EDA: variants seen among roughly 807,000 people sequenced by gnomAD.
EDA encodes ectodysplasin A, also known as ectodysplasin-A.
Under a neutral mutation model 23.6 loss-of-function variants are expected in EDA, and 2 were observed. The ratio of observed to expected loss-of-function variants is 0.08; its 90% CI spans 0.03 to 0.27. The LOEUF (loss-of-function observed/expected upper bound fraction) is 0.27, where lower values mean the gene tolerates loss of function less well. EDA is among the 10% of genes least tolerant of loss of function. The probability of loss-of-function intolerance (pLI) is 1.00; values close to 1 mark genes in which losing one functional copy is unlikely to be tolerated. For synonymous variants in EDA, 131 were observed against 132.0 expected, an observed-to-expected ratio of 0.99 and a Z score of 0.05; for missense variants, 229 against 324.2, an observed-to-expected ratio of 0.71 and a Z score of 2.26.
intron 1 of EDA, among the ~76,000 whole-genome samples, chrX:69,870,437 A>G (rs904535704): frequency 1.8e-5 from 2 of 110,995 alleles, no homozygotes; most frequent in African/African-American, 6.6e-5. Context: ...TTATAGGTCT[A>G]GAGGCAAACA....
At chrX:69,620,143 C>T (rs1385538977) in intron 1 of EDA, among the ~76,000 whole-genome samples, 1 of 112,036 alleles carries the variant, frequency 8.9e-6, no homozygotes, top group African/African-American at 3.2e-5. Flanking sequence ...TGTAACGTAA[C>T]AATCCAGTTC....
chrX:69,616,395 G>A lies in EDA; in HGVS notation c.87G>A (p.Gly29=), dbSNP rs187805932. 8.3e-7 allele frequency: 1 copy of A among 1,204,105 alleles called. No homozygotes were observed. Among genetic ancestry groups the A allele is most frequent in the Non-Finnish European group, 1.1e-6 (1 of 893,659 alleles). ...ERGSQGCGCG[G]APARAGEGNS... Reference sequence around the variant, plus strand: ...GGAGCCAGGGCTGCGGGTGTGGCGGGGCCCCTGCCCGGGCGGGCGAAGGGA... The same window carrying A: ...GGAGCCAGGGCTGCGGGTGTGGCGGAGCCCCTGCCCGGGCGGGCGAAGGGA... The change falls in exon 1 of 8, where the codon GGG becomes GGA. Residue 29 remains glycine, a synonymous_variant. Transcript: ENST00000374552.
At chrX:69,887,645 T>C (rs867606506) in intron 1 of EDA, among the ~76,000 whole-genome samples, 5 of 111,985 alleles carry the variant, frequency 4.5e-5, no homozygotes, top group Middle Eastern at 9.1e-3. Context: ...TATATTCAAA[T>C]TGTCAAAAGT....
At chrX:69,672,861 G>A (rs1397624660) in intron 1 of EDA, among the ~76,000 whole-genome samples, 4 of 101,501 alleles carry the variant, frequency 3.9e-5, no homozygotes, top group Non-Finnish European at 2.0e-5. Context: ...CAGCCTGGGC[G>A]ACAGAGTGAG....
chrX:70,034,985 C>T (rs1253716427), intron 7 of EDA, among the ~76,000 whole-genome samples: 3 of 101,237 alleles, frequency 3.0e-5, no homozygotes, highest in African/African-American at 1.1e-4. Flanking sequence ...TTTGTGTCCA[C>T]GGCACTGTGT....
chrX:70,008,475 T>C (rs2019831580), intron 2 of EDA, among the ~76,000 whole-genome samples: 1 of 112,096 alleles, frequency 8.9e-6, no homozygotes, highest in Non-Finnish European at 1.9e-5. Context: ...TAACCAGCCT[T>C]GCATACCAGG....
At chrX:70,030,133 C>T (rs762109964) in intron 5 of EDA, among the ~76,000 whole-genome samples, 16 of 112,312 alleles carry the variant, frequency 1.4e-4, no homozygotes, top group East Asian at 5.6e-4. Context: ...CAGTGCTTGA[C>T]GGCTTGCAGG....
Position 70,018,238 on chromosome X carries a change from G to A in EDA, c.503-4980G>A, listed in dbSNP as rs528250616. Among the ~76,000 whole-genome samples the A allele has an allele frequency of 4.5e-4, 50 of 112,154 alleles. 2 individuals are homozygous for A. The highest frequency in any genetic ancestry group is 1.2e-3 in the African/African-American group (38 of 30,980). On this transcript the variant is annotated intron_variant, in intron 2 of 7. Coordinates refer to ENST00000374552, the MANE Select transcript of EDA (RefSeq NM_001399.5). ...TGGAAAAAACATTCCATGTTTATGC[G>A]TCAGAAGAATCAATATTGTCAAAAT...
At chrX:69,693,772 T>A (rs1289243352) in intron 1 of EDA, among the ~76,000 whole-genome samples, 2 of 112,199 alleles carry the variant, frequency 1.8e-5, no homozygotes, top group African/African-American at 6.5e-5. Flanking sequence ...TGGAGATTTC[T>A]CCAGGAGTGC....
chrX:69,777,164 T>C (rs1303420806), intron 1 of EDA, among the ~76,000 whole-genome samples: 1 of 110,066 alleles, frequency 9.1e-6, no homozygotes, highest in African/African-American at 3.3e-5. Context: ...TTGTTGTTGT[T>C]GTTGTTGTTG....
rs752780219 is a variant in EDA, at chrX:70,035,367, A to G, written c.934A>G (p.Ile312Val). 1.7e-6 allele frequency: 2 copies of G among 1,208,891 alleles called. No homozygotes were observed. The highest frequency in any genetic ancestry group is 2.2e-6 in the Non-Finnish European group (2 of 894,404). Residue 312 changes from isoleucine to valine, a missense_variant, in exon 8 of 8, where the codon ATC becomes GTC. Transcript: ENST00000374552. The part of the protein sequence containing the change: ...FIYSQVEVYY[I>V]NFTDFASYEV... The stretch of plus-strand genomic sequence containing the variant: ...GTTGCCTCTCACTCAGGTATACTAC[A>G]TCAACTTCACTGACTTTGCCAGCTA...
chrX:69,870,299 TG>T (rs1367086713), intron 1 of EDA, among the ~76,000 whole-genome samples: 1 of 111,728 alleles, frequency 9.0e-6, no homozygotes, highest in African/African-American at 3.3e-5. Flanking sequence ...TCTATTCCCA[TG>T]CTTGTTCTCC....
chrX:69,813,733 A>G (rs1378447695), intron 1 of EDA, among the ~76,000 whole-genome samples: 3 of 111,084 alleles, frequency 2.7e-5, no homozygotes, highest in Non-Finnish European at 5.7e-5. Context: ...CTTTTAAGCT[A>G]ATTTGCAGTG....
At chrX:69,721,449 T>G (rs2012576493) in intron 1 of EDA, among the ~76,000 whole-genome samples, 1 of 111,775 alleles carries the variant, frequency 8.9e-6, no homozygotes, top group Non-Finnish European at 1.9e-5. Context: ...CTGCTTCAGC[T>G]GGGTCTCTCC....
At chrX:69,744,495 G>A (rs1244563520) in intron 1 of EDA, among the ~76,000 whole-genome samples, 1 of 111,967 alleles carries the variant, frequency 8.9e-6, no homozygotes, top group Non-Finnish European at 1.9e-5. Flanking sequence ...ACTTTTAAAG[G>A]CAATGTTGTA....
At chrX:69,789,247 C>T (rs1022852511) in intron 1 of EDA, among the ~76,000 whole-genome samples, 10 of 112,034 alleles carry the variant, frequency 8.9e-5, no homozygotes, top group African/African-American at 2.3e-4. Flanking sequence ...AGAAATCACC[C>T]GTCTTCTGCA....
rs528622469 is a variant in EDA, at chrX:69,744,887, G to A, written c.396+128183G>A. On this transcript the variant is annotated intron_variant, in intron 1 of 7. Coordinates refer to ENST00000374552, the MANE Select transcript of EDA (RefSeq NM_001399.5). Reference sequence around the variant, plus strand: ...CGGGCACAGGCTGTTATAGAATTTGGCAGTCGCTCCCCAGGTCTGCCTACT... The same window carrying A: ...CGGGCACAGGCTGTTATAGAATTTGACAGTCGCTCCCCAGGTCTGCCTACT... Among the ~76,000 whole-genome samples, 17 of 111,588 alleles carry A rather than the reference G, an allele frequency of 1.5e-4. No individual in the cohort carries two copies. In the South Asian group the frequency reaches 6.1e-3, roughly 40 times the overall value.
chrX:70,024,543 CA>C (rs1487969899), intron 3 of EDA, among the ~76,000 whole-genome samples: 1 of 112,633 alleles, frequency 8.9e-6, no homozygotes, highest in Non-Finnish European at 1.9e-5. Flanking sequence ...AATTATAACT[CA>C]GATCATTGCC....
At chrX:69,692,829 C>A (rs1162417396) in intron 1 of EDA, 2 of 111,549 alleles carry the variant, frequency 1.8e-5, no homozygotes, top group African/African-American at 6.5e-5. Context: ...TGTCCCTGCC[C>A]AAATCATGTT....
Sources: gnomAD v4.1 joint callset for allele counts (sites outside exome capture counted in the v4.1 genomes callset) on GRCh38, gnomAD v4.1.1 for gene constraint, MANE v1.5 for transcripts, NCBI Gene and HGNC (gene_info 2026-07-23, HGNC 2026-07-21) for gene names.